The following RAB40B variants were observed in gnomAD, a reference collection of about 807,000 sequenced individuals.
RAB40B encodes ras-related protein Rab-40B.
In RAB40B, 21 loss-of-function variants were observed where a neutral mutation model predicts 24.0. The ratio of observed to expected loss-of-function variants is 0.88; its 90% confidence interval spans 0.62 to 1.26. The LOEUF (loss-of-function observed/expected upper bound fraction) is 1.26. RAB40B is among the 50% of genes most tolerant of loss of function. The pLI, the probability that RAB40B is intolerant of heterozygous loss-of-function variation, is 0.00. For synonymous variants in RAB40B, 167 were observed against 169.8 expected, an observed-to-expected ratio of 0.98 and a Z score of 0.13; for missense variants, 348 against 390.5, an observed-to-expected ratio of 0.89 and a Z score of 0.92.
Position 82,694,405 on chromosome 17 carries a change from A to G in RAB40B, c.142+4050T>C, listed in dbSNP as rs542759394. 3.3e-5 allele frequency among the ~76,000 whole-genome samples: 5 copies of G among 151,496 alleles called. No homozygotes were observed. The East Asian group carries it at 9.7e-4, about 29-fold the overall frequency. ...AAATTGGCCCAGTGTGGTGGCAGGC[A>G]CCTGTAATCCCAGCTACCTGGGAGG... On this transcript the variant is annotated intron_variant, in intron 1 of 5. Coordinates refer to ENST00000571995, the MANE Select transcript of RAB40B (RefSeq NM_006822.3).
intron 1 of RAB40B, among the ~76,000 whole-genome samples, chr17:82,683,781 G>C (rs2046467669): frequency 6.8e-6 from 1 of 147,764 alleles, no homozygotes; most frequent in African/African-American, 2.5e-5. Flanking sequence ...CTCCAGCCTG[G>C]GCAACAGAGC....
At chr17:82,674,274 G>A (rs1200639179) in intron 1 of RAB40B, among the ~76,000 whole-genome samples, 1 of 151,138 alleles carries the variant, frequency 6.6e-6, no homozygotes, top group Non-Finnish European at 1.5e-5. Flanking sequence ...GGGAGGCGGA[G>A]GTTGCAGTGA....
chr17:82,690,253 C>T (rs181217117), intron 1 of RAB40B, among the ~76,000 whole-genome samples: 42 of 145,184 alleles, frequency 2.9e-4, no homozygotes, highest in African/African-American at 8.5e-4. Flanking sequence ...CACGTGTTCT[C>T]GGGGAGCAGA....
At chr17:82,691,906 C>T (rs926309826) in intron 1 of RAB40B, among the ~76,000 whole-genome samples, 3 of 152,122 alleles carry the variant, frequency 2.0e-5, no homozygotes, top group Non-Finnish European at 2.9e-5. Context: ...AGCTGCCAGA[C>T]GGAAATGGGG....
intron 1 of RAB40B, among the ~76,000 whole-genome samples, chr17:82,687,757 G>A (rs2046516462): frequency 6.6e-6 from 1 of 152,180 alleles, no homozygotes; most frequent in South Asian, 2.1e-4. Flanking sequence ...TGCCGATCAT[G>A]CAGGGCAGGT....
chr17:82,677,243 G>A (rs2046403891), intron 1 of RAB40B, among the ~76,000 whole-genome samples: 1 of 152,172 alleles, frequency 6.6e-6, no homozygotes, highest in African/African-American at 2.4e-5. Context: ...CACCGCTCCC[G>A]GCCAGCCTAC....
chr17:82,676,632 T>A (rs575778355), intron 1 of RAB40B, among the ~76,000 whole-genome samples: 2 of 152,208 alleles, frequency 1.3e-5, no homozygotes, highest in Non-Finnish European at 2.9e-5. Context: ...TTTTTCTTTT[T>A]CTTTTTCTTT....
At chr17:82,665,853 G>T (rs72853024) in intron 1 of RAB40B, among the ~76,000 whole-genome samples, 36,333 of 150,984 alleles carry the variant, frequency 0.24, 4,962 homozygotes, top group African/African-American at 0.37. Context: ...GGCGACAGAG[G>T]GAGACTCTGT....
rs1483549763 is a variant in RAB40B at position 82,656,335 on chromosome 17, C to T, written c.*1528G>A. 1 of 151,974 alleles carries T rather than the reference C, an allele frequency of 6.6e-6. No individual in the cohort carries two copies. Among genetic ancestry groups the T allele is most frequent in the East Asian group, 1.9e-4 (1 of 5,190 alleles). The allele number at this position is 151,974 out of a possible 1,614,324, so 9.4% of individuals were successfully genotyped here. ...CTCGCTTCGTTTTTTTGGTTTAGTCCCTCATTTGCGACCCCCAGCCACAGA... is the reference window on the plus strand; with the variant it reads ...CTCGCTTCGTTTTTTTGGTTTAGTCTCTCATTTGCGACCCCCAGCCACAGA... On this transcript the variant is annotated 3_prime_UTR_variant, in exon 6 of 6. Transcript: ENST00000571995.
intron 1 of RAB40B, among the ~76,000 whole-genome samples, chr17:82,674,199 G>A (rs553129984): frequency 1.3e-5 from 2 of 152,146 alleles, no homozygotes; most frequent in African/African-American, 4.8e-5. Flanking sequence ...AATTAGCCGG[G>A]TGTGGTGGCG....
chr17:82,659,208 C>A (rs2046129445), intron 4 of RAB40B: 2 of 305,552 alleles, frequency 6.5e-6, no homozygotes, highest in African/African-American at 2.2e-5. Context: ...GTCGACCACG[C>A]CATGTCACCA....
At chr17:82,664,591 C>A in intron 1 of RAB40B, 35 bp from the exon 2 acceptor site, 1 of 1,597,638 alleles carries the variant, frequency 6.3e-7, no homozygotes. Context: ...AGGCCTGAGG[C>A]TGCAGCTAAC....
chr17:82,670,405 G>A (rs1333137330), intron 1 of RAB40B, among the ~76,000 whole-genome samples: 4 of 151,908 alleles, frequency 2.6e-5, no homozygotes, highest in Admixed American at 6.6e-5. Flanking sequence ...GGTTGGTTGC[G>A]AACTCCTGAC....
chr17:82,662,816 G>A (rs997119049), intron 2 of RAB40B: 19 of 985,400 alleles, frequency 1.9e-5, no homozygotes, highest in African/African-American at 1.7e-4. Flanking sequence ...GGAGGCGTTC[G>A]CTAAGGTGAG....
Position 82,698,567 on chromosome 17 carries a change from G to C in RAB40B, c.30C>G (p.Ala10=). The stretch of plus-strand genomic sequence containing the variant: ...GCAGGAACTTGAGCAGAAAGTCGTA[G>C]GCCCGGACCGGGCTGCCCAGGGCGC... MSALGSPVR[A]YDFLLKFLLV... The change falls in exon 1 of 6, where the codon GCC becomes GCG. Residue 10 remains alanine, a synonymous_variant. Transcript: ENST00000571995. The C allele has an allele frequency of 6.6e-7, 1 of 1,509,982 alleles. No individual in the cohort carries two copies. The highest frequency in any genetic ancestry group is 1.2e-5 in the South Asian group (1 of 83,902). The allele number at this position is 1,509,982 out of a possible 1,614,324, so 93.5% of individuals were successfully genotyped here.
intron 1 of RAB40B, among the ~76,000 whole-genome samples, chr17:82,665,938 T>C (rs933393113): frequency 1.3e-5 from 2 of 151,718 alleles, no homozygotes; most frequent in Non-Finnish European, 2.9e-5. Flanking sequence ...AAATCTTTTT[T>C]GAGACAGGGT....
In RAB40B at chr17:82,655,030, C is replaced by T. The variant is rs141867486; in HGVS notation, c.*2833G>A. The T allele has an allele frequency of 6.6e-6, 1 of 152,312 alleles. No individual in the cohort carries two copies. Among genetic ancestry groups the T allele is most frequent in the Non-Finnish European group, 1.5e-5 (1 of 68,034 alleles). The allele number at this position is 152,312 out of a possible 1,614,324, so 9.4% of individuals were successfully genotyped here. ...ATTCACCACCCAAACACACAGTCTT[C>T]TACTTAGTCCGGTCTGTATTAGGTT... On this transcript the variant is annotated 3_prime_UTR_variant, in exon 6 of 6. Transcript: ENST00000571995.
intron 5 of RAB40B, 57 bp downstream of exon 5, chr17:82,658,434 G>C: frequency 1.5e-5 from 24 of 1,579,720 alleles, no homozygotes; most frequent in Non-Finnish European, 2.1e-5. Context: ...GGGGGCCGCT[G>C]ACCCACCTCG....
intron 1 of RAB40B, among the ~76,000 whole-genome samples, chr17:82,676,817 G>C (rs1380435699): frequency 6.6e-6 from 1 of 151,968 alleles, no homozygotes; most frequent in Non-Finnish European, 1.5e-5. Flanking sequence ...GTACAGATGA[G>C]AGTTCACCAT....
Sources: gnomAD v4.1 joint callset for allele counts (sites outside exome capture counted in the v4.1 genomes callset) on GRCh38, gnomAD v4.1.1 for gene constraint, MANE v1.5 for transcripts, NCBI Gene and HGNC (gene_info 2026-07-23, HGNC 2026-07-21) for gene names.